NFATC1: variants seen among roughly 807,000 people sequenced by gnomAD.
NFATC1 encodes the protein nuclear factor of activated T-cells, cytoplasmic 1.
NFATC1 carries 22 observed loss-of-function variants against 76.0 expected under a neutral mutation model. That is an observed-to-expected ratio of 0.29 (90% CI 0.21 to 0.41). The LOEUF (loss-of-function observed/expected upper bound fraction) is 0.41, where lower values mean the gene tolerates loss of function less well. Ranked by LOEUF, NFATC1 falls within the 10% of genes least tolerant of loss-of-function variation. NFATC1 has a pLI of 1.00. For missense variants in NFATC1, 1,357 were observed against 1,337.7 expected (o/e 1.01, Z -0.23); for synonymous variants, 704 against 613.1 (o/e 1.15, Z -2.19).
At chr18:79,509,389 C>T (rs912138920) in intron 9 of NFATC1, among the ~76,000 whole-genome samples, 6 of 152,238 alleles carry the variant, frequency 3.9e-5, no homozygotes, top group Non-Finnish European at 7.3e-5. Flanking sequence ...GGTCCCCCTT[C>T]ACTGTAGGAG....
intron 4 of NFATC1, among the ~76,000 whole-genome samples, chr18:79,450,394 T>C (rs930315984): frequency 8.1e-5 from 12 of 148,628 alleles, no homozygotes; most frequent in African/African-American, 2.2e-4. Context: ...TTATTCTAAT[T>C]ATGATTTATT....
At chr18:79,495,016 G>C (rs1240632649) in intron 9 of NFATC1, among the ~76,000 whole-genome samples, 2 of 152,222 alleles carry the variant, frequency 1.3e-5, no homozygotes, top group Non-Finnish European at 2.9e-5. Context: ...TGAGCATGGA[G>C]CCCATGGCTG....
intron 9 of NFATC1, chr18:79,498,476 ATTAT>A (rs2089947259): frequency 6.6e-6 from 1 of 152,214 alleles, no homozygotes; most frequent in South Asian, 2.1e-4. Flanking sequence ...AAATCAACAG[ATTAT>A]TTAGACTGAG....
intron 4 of NFATC1, among the ~76,000 whole-genome samples, chr18:79,449,634 G>A (rs575722423): frequency 3.9e-5 from 6 of 152,318 alleles, no homozygotes; most frequent in African/African-American, 1.4e-4. Flanking sequence ...GGTTGAGCTG[G>A]GACGGCTGGA....
intron 9 of NFATC1, among the ~76,000 whole-genome samples, chr18:79,506,566 A>G (rs1008438601): frequency 6.6e-6 from 1 of 152,190 alleles, no homozygotes; most frequent in Admixed American, 6.5e-5. Flanking sequence ...TGCTGGGGGA[A>G]TTGGGCTTGA....
intron 2 of NFATC1, among the ~76,000 whole-genome samples, chr18:79,412,374 AG>A (rs2085722094): frequency 6.6e-6 from 1 of 151,574 alleles, no homozygotes; most frequent in African/African-American, 2.4e-5. Flanking sequence ...CTGTGTCCTC[AG>A]GAAGAGGCGT....
intron 6 of NFATC1, among the ~76,000 whole-genome samples, chr18:79,459,817 ATTT>A (rs1341560476): frequency 2.0e-5 from 3 of 152,098 alleles, no homozygotes; most frequent in Admixed American, 2.0e-4. Context: ...AGTGATTTGG[ATTT>A]TTATGAAGTG....
At chr18:79,473,729 TCA>T (rs1374723918) in intron 8 of NFATC1, among the ~76,000 whole-genome samples, 60 of 148,050 alleles carry the variant, frequency 4.1e-4, no homozygotes, top group Non-Finnish European at 4.9e-4. Context: ...AAGCGTGTTC[TCA>T]CACTCACTGT....
At position 79,474,949 on chromosome 18, in the gene NFATC1, G is replaced by A. The variant is rs538309044; in HGVS notation, c.2092+7367G>A. Reference sequence around the variant, plus strand: ...CTGTCAACGTAAACCTGAGGGAAGCGTGTTCTCACGCTCACTGTCGACGTA... The same window carrying A: ...CTGTCAACGTAAACCTGAGGGAAGCATGTTCTCACGCTCACTGTCGACGTA... On this transcript the variant is annotated intron_variant, in intron 8 of 9. Transcript: ENST00000427363. Among the ~76,000 whole-genome samples the A allele has an allele frequency of 6.4e-5, 8 of 124,884 alleles. No individual in the cohort carries two copies. The East Asian group carries it at 1.4e-3, about 21-fold the overall frequency. 81.9% of individuals were successfully genotyped at this position (124,884 alleles called of 152,430 possible).
At chr18:79,399,402 C>CG (rs1444133593) in intron 1 of NFATC1, among the ~76,000 whole-genome samples, 1 of 152,230 alleles carries the variant, frequency 6.6e-6, no homozygotes. Context: ...CCAGCCTTGA[C>CG]ACGCGCACCC....
At chr18:79,438,189 TG>T (rs1165887957) in intron 3 of NFATC1, among the ~76,000 whole-genome samples, 16 of 152,204 alleles carry the variant, frequency 1.1e-4, no homozygotes, top group Admixed American at 1.3e-4. Flanking sequence ...TCTCTGTTTC[TG>T]GTTGTGCCTC....
chr18:79,526,923 C>T (rs930180144), intron 9 of NFATC1, among the ~76,000 whole-genome samples: 3 of 152,306 alleles, frequency 2.0e-5, no homozygotes, highest in South Asian at 2.1e-4. Context: ...TGGGACGTGG[C>T]GACAGTGCTG....
chr18:79,454,296 A>G lies in NFATC1; in HGVS notation c.1903+2480A>G, dbSNP rs561148978. ...GCTCCACCCTGTCCTTCTCTGGAGTACGTAGGAAGCTCATTGTCCAGGCCA... is the reference window on the plus strand; with the variant it reads ...GCTCCACCCTGTCCTTCTCTGGAGTGCGTAGGAAGCTCATTGTCCAGGCCA... On this transcript the variant is annotated intron_variant, in intron 6 of 9. Transcript: ENST00000427363. 2.6e-5 allele frequency among the ~76,000 whole-genome samples: 4 copies of G among 152,324 alleles called. No individual in the cohort carries two copies. In the East Asian group the frequency reaches 7.7e-4, roughly 29 times the overall value.
intron 8 of NFATC1, among the ~76,000 whole-genome samples, chr18:79,481,035 G>C (rs1469160039): frequency 6.6e-6 from 1 of 152,234 alleles, no homozygotes; most frequent in African/African-American, 2.4e-5. Flanking sequence ...GGAGAGATGT[G>C]GGTGCCCACC....
chr18:79,459,277 A>G (rs1015505115), intron 6 of NFATC1, among the ~76,000 whole-genome samples: 1 of 152,196 alleles, frequency 6.6e-6, no homozygotes, highest in African/African-American at 2.4e-5. Flanking sequence ...TCCGGCAAGG[A>G]TGGTTCCCCA....
chr18:79,428,539 T>A (rs187330537), intron 2 of NFATC1, among the ~76,000 whole-genome samples: 2 of 152,296 alleles, frequency 1.3e-5, no homozygotes, highest in South Asian at 2.1e-4. Context: ...GTTGGTTGTG[T>A]GGATGTTTGC....
At chr18:79,467,387 G>A (rs1411626616) in intron 7 of NFATC1, 63 bp from the exon 8 acceptor site, 4 of 1,453,286 alleles carry the variant, frequency 2.8e-6, no homozygotes, top group South Asian at 1.4e-5. Context: ...TGTGGCCGCC[G>A]TGGCGCGGCA....
intron 9 of NFATC1, among the ~76,000 whole-genome samples, chr18:79,508,791 A>C (rs2090177072): frequency 7.3e-5 from 10 of 136,690 alleles, no homozygotes; most frequent in African/African-American, 1.1e-4. Context: ...CCCTCTCTCC[A>C]TCTCTCCGTC....
chr18:79,528,922 A>G lies in NFATC1; in HGVS notation c.*1345A>G, dbSNP rs770716837. The G allele has an allele frequency of 2.5e-4, 38 of 152,606 alleles. No individual in the cohort carries two copies. The highest frequency in any genetic ancestry group is 3.1e-4 in the Non-Finnish European group (21 of 68,052). 9.5% of individuals were successfully genotyped at this position (152,606 alleles called of 1,614,324 possible). On this transcript the variant is annotated 3_prime_UTR_variant, in exon 10 of 10. Transcript: ENST00000427363. ...TGGTTTATTCATTGAAACACGGTTGACCTGAACTCGTGCCTTAGGAATTAA... is the reference window on the plus strand; with the variant it reads ...TGGTTTATTCATTGAAACACGGTTGGCCTGAACTCGTGCCTTAGGAATTAA...
Sources: gnomAD v4.1 joint callset for allele counts (sites outside exome capture counted in the v4.1 genomes callset) on GRCh38, gnomAD v4.1.1 for gene constraint, MANE v1.5 for transcripts, NCBI Gene and HGNC (gene_info 2026-07-23, HGNC 2026-07-21) for gene names.